Variants in PCDHA6 observed in about 807,000 individuals in gnomAD.
PCDHA6 encodes protocadherin alpha 6, also known as protocadherin alpha-6.
A neutral mutation model predicts 60.3 loss-of-function variants in PCDHA6; 55 were observed. The observed-to-expected ratio is 0.91, with a 90% confidence interval of 0.73 to 1.14. The LOEUF (loss-of-function observed/expected upper bound fraction) is 1.14. Ranked by LOEUF, PCDHA6 falls within the 50% of genes most tolerant of loss-of-function variation. PCDHA6 has a pLI of 0.00. For synonymous variants in PCDHA6, 652 were observed against 557.9 expected (o/e 1.17, Z -2.38); for missense variants, 1,327 against 1,256.5 (o/e 1.06, Z -0.85).
chr5:140,856,311 G>C, intron 1 of PCDHA6: 1 of 1,598,566 alleles, frequency 6.3e-7, no homozygotes, highest in Non-Finnish European at 8.6e-7. Context: ...GTGAATTCTC[G>C]GATTGACCGC....
At chr5:140,929,294 G>A in intron 1 of PCDHA6, 1 of 1,594,058 alleles carries the variant, frequency 6.3e-7, no homozygotes, top group Non-Finnish European at 8.6e-7. Flanking sequence ...ATTCGGAATA[G>A]GAAAGGGGAT....
chr5:141,002,656 C>T lies in PCDHA6; in HGVS notation c.2543-6971C>T, dbSNP rs115710244. Among the ~76,000 whole-genome samples the T allele has an allele frequency of 3.7e-3, 571 of 152,302 alleles. 5 individuals are homozygous for T. The highest frequency in any genetic ancestry group is 0.013 in the African/African-American group (539 of 41,574). On this transcript the variant is annotated intron_variant, in intron 3 of 3. Coordinates refer to ENST00000529310, the MANE Select transcript of PCDHA6 (RefSeq NM_018909.4). The stretch of plus-strand genomic sequence containing the variant: ...CTAGAAATGTCTACTTCATAGGGCT[C>T]TTGTCAGGACCAAAACCTATACGAC...
intron 1 of PCDHA6, among the ~76,000 whole-genome samples, chr5:140,941,319 CT>C (rs70988781): frequency 0.38 from 39,984 of 104,186 alleles, 7,512 homozygotes; most frequent in East Asian, 0.57. Flanking sequence ...TCTTCTTTCT[CT>C]TTTTTTTTTT....
Position 140,830,215 on chromosome 5 carries a change from C to T in PCDHA6, c.2124C>T (p.Ser708=). The T allele has an allele frequency of 1.1e-5, 18 of 1,613,852 alleles. No individual in the cohort carries two copies. Among genetic ancestry groups the T allele is most frequent in the Non-Finnish European group, 1.4e-5 (17 of 1,179,892 alleles). Reference sequence around the variant, plus strand: ...TGATCATCGCCATCTGCGCGGTATCCAGCCTGCTGGTCCTCACGCTACTGC... The same window carrying T: ...TGATCATCGCCATCTGCGCGGTATCTAGCCTGCTGGTCCTCACGCTACTGC... ...VYLIIAICAV[S]SLLVLTLLLY... The change falls in exon 1 of 4, where the codon TCC becomes TCT. Residue 708 remains serine (S), a synonymous_variant. Coordinates refer to ENST00000529310, the MANE Select transcript of PCDHA6 (RefSeq NM_018909.4).
chr5:140,967,387 T>A (rs1158599127), intron 1 of PCDHA6: 4 of 1,609,114 alleles, frequency 2.5e-6, no homozygotes, highest in Non-Finnish European at 3.4e-6. Flanking sequence ...GTAAAGTGCT[T>A]GAGCTGGTGC....
intron 3 of PCDHA6, among the ~76,000 whole-genome samples, chr5:141,007,395 CAAA>C (rs35800918): frequency 0.057 from 5,421 of 94,854 alleles, 127 homozygotes; most frequent in South Asian, 0.13. Context: ...TACTAAAATA[CAAA>C]AAAAAAAAAA....
intron 1 of PCDHA6, chr5:140,864,365 A>G (rs2048439709): frequency 6.6e-6 from 1 of 152,220 alleles, no homozygotes; most frequent in Non-Finnish European, 1.5e-5. Flanking sequence ...TTATCTTTCT[A>G]TAATCGATAA....
intron 1 of PCDHA6, among the ~76,000 whole-genome samples, chr5:140,939,697 A>G (rs1327140175): frequency 6.6e-6 from 1 of 152,232 alleles, no homozygotes; most frequent in African/African-American, 2.4e-5. Context: ...GCTGGACATT[A>G]TCATTTGTGA....
At chr5:140,921,134 C>G (rs2080042608) in intron 1 of PCDHA6, among the ~76,000 whole-genome samples, 1 of 111,400 alleles carries the variant, frequency 9.0e-6, no homozygotes, top group African/African-American at 3.7e-5. Flanking sequence ...GTGCACACCA[C>G]TACACCCAGC....
intron 1 of PCDHA6, among the ~76,000 whole-genome samples, chr5:140,955,135 G>A (rs114298661): frequency 0.017 from 2,539 of 152,204 alleles, 31 homozygotes; most frequent in Middle Eastern, 0.034. Flanking sequence ...TGGTCTACAC[G>A]TCTGTTTTTG....
At chr5:140,847,907 G>A (rs1382630949) in intron 1 of PCDHA6, 1 of 149,326 alleles carries the variant, frequency 6.7e-6, no homozygotes, top group Non-Finnish European at 1.5e-5. Flanking sequence ...TAGATTTCTG[G>A]GCTCCTATAT....
chr5:140,850,962 G>A lies in PCDHA6; in HGVS notation c.2394+20477G>A, dbSNP rs2150504046. On this transcript the variant is annotated intron_variant, in intron 1 of 3. Coordinates refer to ENST00000529310, the MANE Select transcript of PCDHA6 (RefSeq NM_018909.4). Reference sequence around the variant, plus strand: ...AAGATATTATCGATTACTCCCAGGGGCCGTTCAAATAGTTTTATTCATTTT... The same window carrying A: ...AAGATATTATCGATTACTCCCAGGGACCGTTCAAATAGTTTTATTCATTTT... 3.4e-6 allele frequency: 5 copies of A among 1,475,076 alleles called. No homozygotes were observed. In the African/African-American group the frequency reaches 7.1e-5, roughly 21 times the overall value. The allele number at this position is 1,475,076 out of a possible 1,614,324, so 91.4% of individuals were successfully genotyped here. A position where few individuals can be genotyped will look rare whatever the true frequency, so the allele number is the denominator to read the frequency against.
At position 141,010,146 on chromosome 5, in the gene PCDHA6, C is replaced by A. The variant is rs782795358; in HGVS notation, c.*209C>A. 1 of 1,584,410 alleles carries A rather than the reference C, an allele frequency of 6.3e-7. No individual in the cohort carries two copies. Among genetic ancestry groups the A allele is most frequent in the Non-Finnish European group, 8.6e-7 (1 of 1,164,258 alleles). The stretch of plus-strand genomic sequence containing the variant: ...TAAGTCTGGTGTTAACTCTTTCTCT[C>A]CACTCTGGCTTGTTTTCAGAACCTA... On this transcript the variant is annotated 3_prime_UTR_variant, in exon 4 of 4. Transcript: ENST00000529310.
At chr5:140,979,129 A>T (rs1316213932) in intron 2 of PCDHA6, 122 bp downstream of exon 2, 1 of 1,477,514 alleles carries the variant, frequency 6.8e-7, no homozygotes, top group Non-Finnish European at 9.0e-7. Flanking sequence ...CTTTGCCAGG[A>T]AAATGCAATT....
chr5:140,864,709 T>C (rs2048574243), intron 1 of PCDHA6: 1 of 152,268 alleles, frequency 6.6e-6, no homozygotes, highest in South Asian at 2.1e-4. Flanking sequence ...TGTTGAGCTC[T>C]TCTACTATTT....
chr5:140,884,441 G>A, intron 1 of PCDHA6: 2 of 1,613,812 alleles, frequency 1.2e-6, no homozygotes, highest in Non-Finnish European at 1.7e-6. Flanking sequence ...GCGGTGCTCG[G>A]CACCGCCCAC....
chr5:140,849,589 T>G, intron 1 of PCDHA6: 1 of 1,598,710 alleles, frequency 6.3e-7, no homozygotes, highest in Non-Finnish European at 8.6e-7. Context: ...GACGCACAAC[T>G]GGGGACAGTT....
chr5:140,918,403 C>G (rs192008600), intron 1 of PCDHA6, among the ~76,000 whole-genome samples: 1 of 152,278 alleles, frequency 6.6e-6, no homozygotes, highest in African/African-American at 2.4e-5. Flanking sequence ...CCTGATTTCT[C>G]TGGCCAGGAC....
chr5:140,957,698 A>T (rs1554223065), intron 1 of PCDHA6, among the ~76,000 whole-genome samples: 1 of 152,174 alleles, frequency 6.6e-6, no homozygotes. Flanking sequence ...AATGAACATT[A>T]TGTAGTTTTT....
Sources: gnomAD v4.1 joint callset for allele counts (sites outside exome capture counted in the v4.1 genomes callset) on GRCh38, gnomAD v4.1.1 for gene constraint, MANE v1.5 for transcripts, NCBI Gene and HGNC (gene_info 2026-07-23, HGNC 2026-07-21) for gene names.